Variants in ZAN observed in about 807,000 individuals in gnomAD.
ZAN encodes the protein zonadhesin, also known as zonadhesin (gene/pseudogene).
ZAN carries 260 observed loss-of-function variants against 286.2 expected under a neutral mutation model. That is an observed-to-expected ratio of 0.91 (90% CI 0.82 to 1.01). The LOEUF (loss-of-function observed/expected upper bound fraction) is 1.01, where lower values mean the gene tolerates loss of function less well. Among genes scored for constraint, ZAN ranks in the 50% least tolerant of loss-of-function variants. The probability of loss-of-function intolerance (pLI) is 0.00; values close to 1 mark genes in which losing one functional copy is unlikely to be tolerated. For missense variants in ZAN, 3,410 were observed against 3,639.2 expected, an observed-to-expected ratio of 0.94 and a Z score of 1.62; for synonymous variants, 1,368 against 1,417.5, an observed-to-expected ratio of 0.97 and a Z score of 0.79.
intron 6 of ZAN, among the ~76,000 whole-genome samples, chr7:100,737,685 G>C (rs533308693): frequency 1.5e-5 from 2 of 137,590 alleles, no homozygotes; most frequent in African/African-American, 5.3e-5. Flanking sequence ...CAGCCTTGGC[G>C]ATGGAGTGAG....
intron 44 of ZAN, 123 bp from the exon 45 acceptor site, chr7:100,795,073 C>T: frequency 1.5e-6 from 2 of 1,310,556 alleles, no homozygotes; most frequent in Non-Finnish European, 2.0e-6. Flanking sequence ...GGCTGGCTGA[C>T]CCCTGGCCAG....
chr7:100,767,724 C>T (rs533143663), intron 25 of ZAN, 107 bp from the exon 26 acceptor site: 75 of 1,276,640 alleles, frequency 5.9e-5, no homozygotes, highest in African/African-American at 2.4e-4. Flanking sequence ...AGCGATCCTC[C>T]GCCTCGGCCT....
At chr7:100,734,692 G>A (rs1403690521) in intron 2 of ZAN, among the ~76,000 whole-genome samples, 1 of 140,234 alleles carries the variant, frequency 7.1e-6, no homozygotes, top group Non-Finnish European at 1.6e-5. Context: ...GGTTGACCTT[G>A]ACTGCTGAAC....
In ZAN at chr7:100,738,997, CCTT is replaced by C. The variant is rs201124592; in HGVS notation, c.766+387_766+389del. ...TCCCTCTCCCTCTCCCTCTCCTTCT[CCTT>C]CTCCTTCTTCTTTTTCTTTTTTTTT... On this transcript the variant is annotated intron_variant, in intron 7 of 47. Coordinates refer to ENST00000613979, the MANE Select transcript of ZAN (RefSeq NM_003386.3). Among the ~76,000 whole-genome samples, 189 of 56,586 alleles carry C rather than the reference CCTT, an allele frequency of 3.3e-3. 37 individuals are homozygous for C. Among genetic ancestry groups the C allele is most frequent in the South Asian group, 0.021 (29 of 1,398 alleles). The allele number at this position is 56,586 out of a possible 152,430, so 37.1% of individuals were successfully genotyped here.
rs1809077033 is a variant in ZAN at position 100,755,407 on chromosome 7, T to C, written c.3306T>C (p.Tyr1102=). The C allele has an allele frequency of 1.9e-6, 3 of 1,613,192 alleles. No homozygotes were observed. The highest frequency in any genetic ancestry group is 2.5e-6 in the Non-Finnish European group (3 of 1,179,582). ...SCNCFYNNDY[Y]EPGAEWFSPN... ...ATTGCTTCTACAACAACGACTACTA[T>C]GAGGTAAGCCCCCCGGGATGCTGGG... The change falls in exon 15 of 48, where the codon TAT becomes TAC. Residue 1102 remains tyrosine (Y), a synonymous_variant. Transcript: ENST00000613979.
In ZAN at chr7:100,736,801, TC is replaced by T; in HGVS notation, c.254-3del. Reference sequence around the variant, plus strand: ...GGGCCTCAGTGTCTTGGGCTCTGCCTCCCCCAGAGGGCAGCTATCTGCATAT... The same window carrying T: ...GGGCCTCAGTGTCTTGGGCTCTGCCTCCCCAGAGGGCAGCTATCTGCATAT... On this transcript the variant is annotated splice_polypyrimidine_tract_variant and splice_region_variant and intron_variant, in intron 4 of 47. Coordinates refer to ENST00000613979, the MANE Select transcript of ZAN (RefSeq NM_003386.3). 1 of 1,467,402 alleles carries T rather than the reference TC, an allele frequency of 6.8e-7. No individual in the cohort carries two copies. Among genetic ancestry groups the T allele is most frequent in the Non-Finnish European group, 9.3e-7 (1 of 1,079,886 alleles). The allele number at this position is 1,467,402 out of a possible 1,614,324, so 90.9% of individuals were successfully genotyped here.
At chr7:100,783,602 C>T (rs1656442870) in intron 35 of ZAN, among the ~76,000 whole-genome samples, 1 of 146,986 alleles carries the variant, frequency 6.8e-6, no homozygotes. Flanking sequence ...GGCATGGTGG[C>T]ACATGCCTGT....
rs1317993522 is a variant in ZAN at position 100,782,430 on chromosome 7, G to C, written c.6623-2193G>C. ...TGCAACCTCTGCCTCCTGGGTTCAA[G>C]CGATTCTCCTGCCTCAGCCTTCCGA... On this transcript the variant is annotated intron_variant, in intron 35 of 47. Transcript: ENST00000613979. 3.3e-5 allele frequency among the ~76,000 whole-genome samples: 5 copies of C among 152,108 alleles called. No individual in the cohort carries two copies. In the East Asian group the frequency reaches 9.6e-4, roughly 29 times the overall value.
At position 100,748,361 on chromosome 7, in the gene ZAN, T is replaced by A. The variant is rs1194759044; in HGVS notation, c.1140T>A (p.His380Gln). The stretch of plus-strand genomic sequence containing the variant: ...AGTGTGACTTTGAAGACAACGCCCA[T>A]CCCTTCTGTGACTGGGTCCAGACTT... ...FPQCDFEDNA[H>Q]PFCDWVQTSG... The change falls in exon 11 of 48, where the codon CAT (histidine) becomes CAA (glutamine). Residue 380 changes from histidine to glutamine, a missense_variant. By Grantham distance (24) the His-to-Gln change is conservative. Around this residue, in one of 7 missense-constraint regions of ZAN, gnomAD observed 872 missense variants for 938.9 expected, o/e 0.93. Transcript: ENST00000613979. The A allele has an allele frequency of 6.2e-7, 1 of 1,613,952 alleles. No individual in the cohort carries two copies. The highest frequency in any genetic ancestry group is 8.5e-7 in the Non-Finnish European group (1 of 1,179,890).
chr7:100,797,329 C>G, intron 45 of ZAN, 37 bp from the exon 46 acceptor site: 1 of 1,602,914 alleles, frequency 6.2e-7, no homozygotes, highest in Non-Finnish European at 8.5e-7. Context: ...CTTCCCGTCT[C>G]ACGTTCGACC....
chr7:100,775,757 T>C lies in ZAN; in HGVS notation c.6116T>C (p.Ile2039Thr), dbSNP rs757520472. The C allele has an allele frequency of 6.1e-5, 98 of 1,613,884 alleles. No individual in the cohort carries two copies. The East Asian group carries it at 2.2e-3, about 36-fold the overall frequency. ...KSSSIYSIVNIKIGVQVKFDG... is the reference protein window; with the variant it reads ...KSSSIYSIVNTKIGVQVKFDG... ...AGCAGCATCTACAGCATTGTTAACA[T>C]CAAGATCGGGGTGCAAGTCAAGTTT... Residue 2039 changes from isoleucine to threonine, a missense_variant, in exon 33 of 48, where the codon ATC (isoleucine) becomes ACC (threonine). By Grantham distance (89) the Ile-to-Thr change is moderately conservative. Coordinates refer to ENST00000613979, the MANE Select transcript of ZAN (RefSeq NM_003386.3).
In ZAN at chr7:100,775,348, C is replaced by G. The variant is rs1241136710; in HGVS notation, c.5800C>G (p.Pro1934Ala). Residue 1934 changes from proline to alanine, a missense_variant, in exon 32 of 48, where the codon CCA becomes GCA. This residue lies in a region of ZAN where 1,289 missense variants were observed against 1,314.3 expected (regional missense o/e 0.98). Coordinates refer to ENST00000613979, the MANE Select transcript of ZAN (RefSeq NM_003386.3). ...CCCAGGTGTGGGAGTGTGTCAGCTC[C>G]CAGGGGAGTCCCACTACGTGAGCTT... The part of the protein sequence containing the change: ...RASGVGVCQL[P>A]GESHYVSFDG... The G allele has an allele frequency of 6.2e-7, 1 of 1,613,326 alleles. No individual in the cohort carries two copies. The highest frequency in any genetic ancestry group is 2.2e-5 in the East Asian group (1 of 44,866).
At position 100,755,349 on chromosome 7, in the gene ZAN, G is replaced by C. The variant is rs754171369; in HGVS notation, c.3248G>C (p.Ser1083Thr). ...GCVCNPGFLFSDNHCIQASSC... is the reference protein window; with the variant it reads ...GCVCNPGFLFTDNHCIQASSC... ...GTCTGCAACCCTGGCTTTTTGTTTAGTGACAACCACTGCATCCAGGCCTCT... is the reference window on the plus strand; with the variant it reads ...GTCTGCAACCCTGGCTTTTTGTTTACTGACAACCACTGCATCCAGGCCTCT... The change falls in exon 15 of 48, where the codon AGT (serine) becomes ACT (threonine). Residue 1083 changes from serine to threonine, a missense_variant. By Grantham distance (58) the Ser-to-Thr change is moderately conservative. This residue lies in a region of ZAN where 1,042 missense variants were observed against 1,058.0 expected (regional missense o/e 0.98). Coordinates refer to ENST00000613979, the MANE Select transcript of ZAN (RefSeq NM_003386.3). 25 of 1,613,716 alleles carry C rather than the reference G, an allele frequency of 1.5e-5. No individual in the cohort carries two copies. In the Admixed American group the frequency reaches 2.0e-4, roughly 13 times the overall value.
chr7:100,765,225 T>A (rs1160918418), intron 22 of ZAN, 127 bp from the exon 23 acceptor site: 2 of 1,103,680 alleles, frequency 1.8e-6, no homozygotes, highest in Non-Finnish European at 2.6e-6. Context: ...CTTCTCACAG[T>A]CACTCTCTCT....
intron 33 of ZAN, among the ~76,000 whole-genome samples, chr7:100,776,097 T>C (rs1046180300): frequency 2.0e-5 from 3 of 151,916 alleles, no homozygotes; most frequent in African/African-American, 4.8e-5. Flanking sequence ...GTGGGTCACC[T>C]GAGGTCAGGA....
rs780056926 is a variant in ZAN at position 100,736,978 on chromosome 7, G to C, written c.423G>C (p.Glu141Asp). The C allele has an allele frequency of 6.7e-7, 1 of 1,503,688 alleles. No individual in the cohort carries two copies. The highest frequency in any genetic ancestry group is 2.3e-5 in the East Asian group (1 of 43,170). The allele number at this position is 1,503,688 out of a possible 1,614,324, so 93.1% of individuals were successfully genotyped here. A position where few individuals can be genotyped will look rare whatever the true frequency, so the allele number is the denominator to read the frequency against. ...QLRLLLLSGE[E>D]GRRPDVLWKH... ...GGCTGCTGCTGCTCTCGGGTGAAGA[G>C]GGCCGCCGCCCCGATGTGCTCTGGA... The change falls in exon 5 of 48, where the codon GAG becomes GAC. Residue 141 changes from glutamate (E) to aspartate (D), a missense_variant. Glu to Asp is a conservative substitution (Grantham distance 45, BLOSUM62 2). This residue lies in a region of ZAN where 872 missense variants were observed against 938.9 expected (regional missense o/e 0.93). Coordinates refer to ENST00000613979, the MANE Select transcript of ZAN (RefSeq NM_003386.3).
At position 100,779,475 on chromosome 7, in the gene ZAN, A is replaced by G; in HGVS notation, c.6347A>G (p.Gln2116Arg). 6.2e-7 allele frequency: 1 copy of G among 1,609,752 alleles called. No individual in the cohort carries two copies. The highest frequency in any genetic ancestry group is 1.1e-5 in the South Asian group (1 of 90,834). Residue 2116 changes from glutamine (Q) to arginine (R), a missense_variant, in exon 35 of 48, where the codon CAG becomes CGG. Coordinates refer to ENST00000613979, the MANE Select transcript of ZAN (RefSeq NM_003386.3). Reference protein sequence around the residue: ...SCQSLLVDEQQIPAEQQENPS... With the variant: ...SCQSLLVDEQRIPAEQQENPS... ...CAGAGTCTCCTGGTAGATGAGCAGC[A>G]GATTCCAGCGGAACAGCAGGAGAAC...
intron 19 of ZAN, 132 bp from the exon 20 acceptor site, chr7:100,762,083 C>A: frequency 2.6e-6 from 3 of 1,137,380 alleles, no homozygotes; most frequent in Non-Finnish European, 3.8e-6. Flanking sequence ...GTCCTCTTGT[C>A]CAGTCCGCAC....
Position 100,736,925 on chromosome 7 carries a change from T to A in ZAN, c.370T>A (p.Phe124Ile). 1 of 1,498,564 alleles carries A rather than the reference T, an allele frequency of 6.7e-7. No homozygotes were observed. Among genetic ancestry groups the A allele is most frequent in the Non-Finnish European group, 9.1e-7 (1 of 1,095,568 alleles). The allele number at this position is 1,498,564 out of a possible 1,614,324, so 92.8% of individuals were successfully genotyped here. ...CTGTGTGCACTTTGCCCACCACATGTTCGGGCTGTCTTGGGGCGCCCAGCT... is the reference window on the plus strand; with the variant it reads ...CTGTGTGCACTTTGCCCACCACATGATCGGGCTGTCTTGGGGCGCCCAGCT... The part of the protein sequence containing the change: ...PLCVHFAHHM[F>I]GLSWGAQLRL... Residue 124 changes from phenylalanine (F) to isoleucine (I), a missense_variant, in exon 5 of 48, where the codon TTC (phenylalanine) becomes ATC (isoleucine). Transcript: ENST00000613979.
Sources: gnomAD v4.1 joint callset for allele counts (sites outside exome capture counted in the v4.1 genomes callset) on GRCh38, gnomAD v4.1.1 for gene constraint, gnomAD v4.1.1 regional missense constraint, MANE v1.5 for transcripts, NCBI Gene and HGNC (gene_info 2026-07-23, HGNC 2026-07-21) for gene names.